ZFP64: variants seen among roughly 807,000 people sequenced by gnomAD.
The protein encoded by ZFP64 is ZFP64 zinc finger protein, also known as zinc finger protein 64.
Under a neutral mutation model 51.6 loss-of-function variants are expected in ZFP64, and 14 were observed. The observed-to-expected ratio is 0.27, with a 90% CI of 0.18 to 0.42. ZFP64 has a LOEUF of 0.42. ZFP64 is among the 10% of genes least tolerant of loss of function. The pLI is 1.00. For synonymous variants in ZFP64, 375 were observed against 361.4 expected, an observed-to-expected ratio of 1.04 and a Z score of -0.43; for missense variants, 754 against 906.8, an observed-to-expected ratio of 0.83 and a Z score of 2.16.
chr20:52,102,931 G>T (rs2122777250), intron 5 of ZFP64, among the ~76,000 whole-genome samples: 1 of 152,260 alleles, frequency 6.6e-6, no homozygotes, highest in Middle Eastern at 3.4e-3. Flanking sequence ...ATTCTCAGGG[G>T]GAGAAAGATG....
At position 52,191,050 on chromosome 20, in the gene ZFP64, C is replaced by T. The variant is rs1292994426; in HGVS notation, c.46+541G>A. On this transcript the variant is annotated intron_variant, in intron 1 of 5. Transcript: ENST00000216923. The surrounding 1 kb of genome is among the most constrained non-coding windows in gnomAD (Gnocchi z 4.3). ...GATGTCCTCCTCGGTTAAATAAAAA[C>T]TGAACCCCAAACCCAAATAAAGCGA... Among the ~76,000 whole-genome samples, 2 of 152,188 alleles carry T rather than the reference C, an allele frequency of 1.3e-5. No individual in the cohort carries two copies. Among genetic ancestry groups the T allele is most frequent in the East Asian group, 1.9e-4 (1 of 5,188 alleles).
rs548347802 is a variant in ZFP64 at position 52,153,795 on chromosome 20, G to A, written c.764-367C>T. Among the ~76,000 whole-genome samples the A allele has an allele frequency of 3.9e-4, 60 of 152,266 alleles. No individual in the cohort carries two copies. The highest frequency in any genetic ancestry group is 3.5e-3 in the Admixed American group (54 of 15,296). On this transcript the variant is annotated intron_variant, in intron 5 of 5. Coordinates refer to ENST00000216923, the MANE Select transcript of ZFP64 (RefSeq NM_018197.3). The surrounding 1 kb of genome is among the most constrained non-coding windows in gnomAD (Gnocchi z 5.1). The stretch of plus-strand genomic sequence containing the variant: ...TAATGGTTCACAGTTGAAGACTTTT[G>A]CACAACCCGTTGATTTTGATTGAGT...
rs200595365 is a variant in ZFP64 at position 52,160,091 on chromosome 20, A to C, written c.763+32T>G. On this transcript the variant is annotated intron_variant, in intron 5 of 5. Coordinates refer to ENST00000216923, the MANE Select transcript of ZFP64 (RefSeq NM_018197.3). This position sits in a 1 kb window ranked among gnomAD's most constrained non-coding sequence, Gnocchi z 4.2. ...ATGATTTATGCCATAGAAAGTGAGG[A>C]GCGTAGAGAGCAAATAACAGGCAGG... 1.1e-5 allele frequency: 17 copies of C among 1,613,918 alleles called. No individual in the cohort carries two copies. The highest frequency in any genetic ancestry group is 1.3e-5 in the African/African-American group (1 of 74,940).
chr20:52,113,950 TA>T (rs1978736924), intron 5 of ZFP64, among the ~76,000 whole-genome samples: 1 of 152,050 alleles, frequency 6.6e-6, no homozygotes, highest in Admixed American at 6.6e-5. Flanking sequence ...TGATTTTGGC[TA>T]GAAGTGACCT....
chr20:52,148,736 A>G (rs1478089869), downstream of ZFP64, among the ~76,000 whole-genome samples: 1 of 151,882 alleles, frequency 6.6e-6, no homozygotes, highest in East Asian at 1.9e-4. Context: ...TTCTGGCTGC[A>G]GCAAGGAGCC....
At position 52,191,037 on chromosome 20, in the gene ZFP64, G is replaced by A. The variant is rs1984331981; in HGVS notation, c.46+554C>T. Among the ~76,000 whole-genome samples the A allele has an allele frequency of 6.6e-6, 1 of 152,052 alleles. No individual in the cohort carries two copies. The highest frequency in any genetic ancestry group is 6.6e-5 in the Admixed American group (1 of 15,252). On this transcript the variant is annotated intron_variant, in intron 1 of 5. Coordinates refer to ENST00000216923, the MANE Select transcript of ZFP64 (RefSeq NM_018197.3). This position sits in a 1 kb window ranked among gnomAD's most constrained non-coding sequence, Gnocchi z 4.3. Reference sequence around the variant, plus strand: ...CTTGAAAAACGCTGATGTCCTCCTCGGTTAAATAAAAACTGAACCCCAAAC... The same window carrying A: ...CTTGAAAAACGCTGATGTCCTCCTCAGTTAAATAAAAACTGAACCCCAAAC...
downstream of ZFP64, among the ~76,000 whole-genome samples, chr20:52,149,325 TGGCAAAAATATTCCCCAAAC>T (rs1980678225): frequency 6.8e-6 from 1 of 147,708 alleles, no homozygotes; most frequent in Admixed American, 6.8e-5. Context: ...GCAGTCGTAA[TGGCAAAAATATTCCCCAAAC>T]AACCTGAAGA....
chr20:52,110,912 T>A (rs1282720961), intron 5 of ZFP64: 1 of 1,605,136 alleles, frequency 6.2e-7, no homozygotes, highest in Non-Finnish European at 8.5e-7. Flanking sequence ...GCAAGACGCC[T>A]GAACTCATCC....
chr20:52,113,950 T>G (rs1000741936), intron 5 of ZFP64, among the ~76,000 whole-genome samples: 15 of 152,050 alleles, frequency 9.9e-5, no homozygotes, highest in African/African-American at 3.6e-4. Context: ...TGATTTTGGC[T>G]AGAAGTGACC....
At chr20:52,100,368 C>T (rs536239628) in intron 5 of ZFP64, among the ~76,000 whole-genome samples, 80 of 152,240 alleles carry the variant, frequency 5.3e-4, no homozygotes, top group Non-Finnish European at 7.6e-4. Flanking sequence ...GCCTCAGACT[C>T]CCAGGTAGCT....
intron 5 of ZFP64, chr20:52,110,660 G>C (rs1978512247): frequency 7.2e-7 from 1 of 1,395,458 alleles, no homozygotes; most frequent in Admixed American, 2.2e-5. Flanking sequence ...CTGGCCACCA[G>C]GCCACCTGGC....
At position 52,187,086 on chromosome 20, in the gene ZFP64, G is replaced by T; in HGVS notation, c.47-15C>A. On this transcript the variant is annotated splice_polypyrimidine_tract_variant and intron_variant, in intron 1 of 5. Transcript: ENST00000216923. ...GCCACCTGGAACTCCATGGGACAAA[G>T]GGAAAGTAACGGATTAATTCCAAAC... 1 of 1,595,024 alleles carries T rather than the reference G, an allele frequency of 6.3e-7. No homozygotes were observed. The highest frequency in any genetic ancestry group is 1.1e-5 in the South Asian group (1 of 90,538).
intron 2 of ZFP64, among the ~76,000 whole-genome samples, chr20:52,175,491 T>G (rs1471831125): frequency 6.6e-6 from 1 of 152,240 alleles, no homozygotes. Context: ...TCGTTCATGC[T>G]TAGGATTCTC....
downstream of ZFP64, among the ~76,000 whole-genome samples, chr20:52,147,185 T>C (rs1161505655): frequency 6.6e-6 from 1 of 152,204 alleles, no homozygotes; most frequent in Admixed American, 6.5e-5. Flanking sequence ...ATGTAGTCTA[T>C]TTTCATTATA....
At chr20:52,117,836 C>G (rs1367292741) in intron 5 of ZFP64, among the ~76,000 whole-genome samples, 4 of 152,220 alleles carry the variant, frequency 2.6e-5, no homozygotes, top group Admixed American at 2.6e-4. Flanking sequence ...TGTTCTGTCA[C>G]TCAGGCTGGA....
chr20:52,167,871 C>T (rs889486899), intron 2 of ZFP64, among the ~76,000 whole-genome samples: 2 of 152,172 alleles, frequency 1.3e-5, no homozygotes, highest in African/African-American at 4.8e-5. Context: ...GCACTAATAT[C>T]CATGCCACAG....
intron 5 of ZFP64, chr20:52,117,763 T>C (rs1978956216): frequency 2.3e-6 from 1 of 429,688 alleles, no homozygotes; most frequent in Non-Finnish European, 4.6e-6. Context: ...TGCCAAGCTA[T>C]ACCATTATCA....
At chr20:52,092,579 G>A (rs2078940180) in intron 7 of ZFP64, among the ~76,000 whole-genome samples, 1 of 152,246 alleles carries the variant, frequency 6.6e-6, no homozygotes, top group Non-Finnish European at 1.5e-5. Flanking sequence ...GCCGGGTGCA[G>A]TGGCTCACAC....
Position 52,191,465 on chromosome 20 carries a change from G to A in ZFP64, c.46+126C>T. On this transcript the variant is annotated intron_variant, in intron 1 of 5. Coordinates refer to ENST00000216923, the MANE Select transcript of ZFP64 (RefSeq NM_018197.3). This position sits in a 1 kb window ranked among gnomAD's most constrained non-coding sequence, Gnocchi z 4.3. The stretch of plus-strand genomic sequence containing the variant: ...CGCCCGCCGCGGTCCCCGAGACGCG[G>A]CTCCGAGCCGTCACCCCGATTTCGG... 1 of 1,215,692 alleles carries A rather than the reference G, an allele frequency of 8.2e-7. No individual in the cohort carries two copies. The highest frequency in any genetic ancestry group is 1.1e-6 in the Non-Finnish European group (1 of 939,152). The allele number at this position is 1,215,692 out of a possible 1,614,324, so 75.3% of individuals were successfully genotyped here. A position where few individuals can be genotyped will look rare whatever the true frequency, so the allele number is the denominator to read the frequency against.
Sources: allele counts gnomAD v4.1 joint callset (sites outside exome capture counted in the v4.1 genomes callset), GRCh38; gene constraint gnomAD v4.1.1; non-coding constraint Gnocchi (gnomAD v3.1); transcripts MANE v1.5; gene names NCBI Gene and HGNC (gene_info 2026-07-23, HGNC 2026-07-21).